Variants in TMED3 observed in about 807,000 individuals in gnomAD.
TMED3 encodes the protein transmembrane emp24 domain-containing protein 3.
TMED3 carries 9 observed loss-of-function variants against 15.0 expected under a neutral mutation model. The observed-to-expected ratio is 0.60, with a 90% confidence interval of 0.36 to 1.04. The LOEUF (loss-of-function observed/expected upper bound fraction) is 1.04, where lower values mean the gene tolerates loss of function less well. Ranked by LOEUF, TMED3 falls within the 50% of genes least tolerant of loss-of-function variation. The probability of loss-of-function intolerance (pLI) is 0.01; values close to 1 mark genes in which losing one functional copy is unlikely to be tolerated. For synonymous variants in TMED3, 117 were observed against 121.4 expected (o/e 0.96, Z 0.24); for missense variants, 267 against 278.9 (o/e 0.96, Z 0.30).
intron 2 of TMED3, among the ~76,000 whole-genome samples, chr15:79,339,649 C>T (rs915681507): frequency 5.9e-5 from 9 of 151,726 alleles, no homozygotes; most frequent in African/African-American, 1.9e-4. Context: ...CAGCTGCTAG[C>T]GGGTGGTGAT....
downstream of TMED3, chr15:79,322,852 T>G: frequency 1.0e-6 from 1 of 985,540 alleles, no homozygotes; most frequent in South Asian, 4.7e-5. Flanking sequence ...TGGAGACTTG[T>G]GCCTTTATTT....
At chr15:79,377,081 C>T (rs145291377) in intron 2 of TMED3, among the ~76,000 whole-genome samples, 1 of 152,200 alleles carries the variant, frequency 6.6e-6, no homozygotes, top group African/African-American at 2.4e-5. Context: ...ACAGGTATTA[C>T]AGGTGTCATA....
At chr15:79,388,006 C>T (rs368264579) in intron 2 of TMED3, among the ~76,000 whole-genome samples, 2 of 152,024 alleles carry the variant, frequency 1.3e-5, no homozygotes, top group East Asian at 1.9e-4. Context: ...TACTTCTGGG[C>T]AGTCTGTGAG....
At chr15:79,353,895 C>T (rs1377839702) in intron 2 of TMED3, among the ~76,000 whole-genome samples, 1 of 152,108 alleles carries the variant, frequency 6.6e-6, no homozygotes, top group East Asian at 1.9e-4. Flanking sequence ...CTGTTGATCT[C>T]TCAGGGAGAA....
intron 2 of TMED3, among the ~76,000 whole-genome samples, chr15:79,397,849 G>A (rs1893781158): frequency 6.6e-6 from 1 of 152,114 alleles, no homozygotes; most frequent in Non-Finnish European, 1.5e-5. Context: ...GCAGTTTTAG[G>A]TTCATGGCAA....
At chr15:79,366,554 C>T (rs988136296) in intron 2 of TMED3, among the ~76,000 whole-genome samples, 1 of 152,246 alleles carries the variant, frequency 6.6e-6, no homozygotes, top group African/African-American at 2.4e-5. Flanking sequence ...TCAGGGCGAG[C>T]TAGGTGCCTG....
chr15:79,364,267 C>T (rs1893186405), intron 2 of TMED3, among the ~76,000 whole-genome samples: 1 of 152,174 alleles, frequency 6.6e-6, no homozygotes, highest in Non-Finnish European at 1.5e-5. Flanking sequence ...TGCATGTGGG[C>T]TCTTAGTCCC....
At chr15:79,363,144 G>A (rs1893163255) in intron 2 of TMED3, among the ~76,000 whole-genome samples, 1 of 152,128 alleles carries the variant, frequency 6.6e-6, no homozygotes, top group South Asian at 2.1e-4. Context: ...GAATAATTAG[G>A]TAACTATTTG....
chr15:79,348,213 C>G (rs1473865271), intron 2 of TMED3, among the ~76,000 whole-genome samples: 1 of 152,152 alleles, frequency 6.6e-6, no homozygotes, highest in African/African-American at 2.4e-5. Flanking sequence ...AAGTCACTTG[C>G]CTAACACAGA....
At chr15:79,376,129 A>T (rs1893422070) in intron 2 of TMED3, among the ~76,000 whole-genome samples, 7 of 64,476 alleles carry the variant, frequency 1.1e-4, no homozygotes, top group East Asian at 4.3e-4. Flanking sequence ...TTTTTTTTTG[A>T]GACGAAGTCT....
chr15:79,333,635 C>T (rs552550475), intron 2 of TMED3, among the ~76,000 whole-genome samples: 25 of 152,282 alleles, frequency 1.6e-4, no homozygotes, highest in African/African-American at 3.1e-4. Context: ...CTGGAGAAAT[C>T]GTTCAAGAAC....
At chr15:79,316,257 G>T (rs532738676) in intron 2 of TMED3, among the ~76,000 whole-genome samples, 1 of 152,194 alleles carries the variant, frequency 6.6e-6, no homozygotes, top group Non-Finnish European at 1.5e-5. Context: ...CTTGTTTCAG[G>T]CCGGAGTTCA....
intron 2 of TMED3, among the ~76,000 whole-genome samples, chr15:79,392,900 C>T (rs1595909630): frequency 6.6e-6 from 1 of 152,182 alleles, no homozygotes; most frequent in Non-Finnish European, 1.5e-5. Context: ...ACTTCTGATT[C>T]ATCCTTCTCT....
At chr15:79,374,920 T>C (rs1304200973) in intron 2 of TMED3, among the ~76,000 whole-genome samples, 1 of 152,212 alleles carries the variant, frequency 6.6e-6, no homozygotes, top group Non-Finnish European at 1.5e-5. Flanking sequence ...GAGCAAGCTT[T>C]TTCTCTGATT....
rs139301083 is a variant in TMED3 at position 79,370,744 on chromosome 15, A to G, written c.418-40656A>G. Among the ~76,000 whole-genome samples the G allele has an allele frequency of 2.5e-4, 38 of 152,308 alleles. No homozygotes were observed. The East Asian group carries it at 6.9e-3, about 28-fold the overall frequency. On this transcript the variant is annotated intron_variant, in intron 2 of 2. Coordinates refer to the TMED3 transcript ENST00000424155. ...TGATATACTGCTGGAACCTGTGGAT[A>G]TAGTTTTGAGTCTGTGAGCTCTTAA...
chr15:79,356,423 T>C (rs1336354634), intron 2 of TMED3, among the ~76,000 whole-genome samples: 1 of 152,214 alleles, frequency 6.6e-6, no homozygotes, highest in African/African-American at 2.4e-5. Context: ...TAAATGAATT[T>C]AAGAATGTTC....
intron 2 of TMED3, among the ~76,000 whole-genome samples, chr15:79,401,204 G>T (rs1012863925): frequency 1.3e-5 from 2 of 152,196 alleles, no homozygotes; most frequent in Non-Finnish European, 2.9e-5. Context: ...AGGACTGCAT[G>T]TATGATTGAA....
rs549270374 is a variant in TMED3 at position 79,322,087 on chromosome 15, A to G, written c.527A>G (p.Asn176Ser). The change falls in exon 3 of 3, where the codon AAT (asparagine) becomes AGT (serine). Residue 176 changes from asparagine (N) to serine (S), a missense_variant. By Grantham distance (46) the Asn-to-Ser change is conservative. Transcript: ENST00000299705. The stretch of plus-strand genomic sequence containing the variant: ...GACCGGGCCCGAGCAGAAGACCTTA[A>G]TAGCCGAGTCTCTTACTGGTCTGTT... ...AQDRARAEDL[N>S]SRVSYWSVGE... The G allele has an allele frequency of 6.2e-6, 10 of 1,614,208 alleles. No individual in the cohort carries two copies. In the South Asian group the frequency reaches 6.6e-5, roughly 11 times the overall value.
chr15:79,353,261 ATT>A (rs1491294590), intron 2 of TMED3, among the ~76,000 whole-genome samples: 1 of 66,020 alleles, frequency 1.5e-5, no homozygotes, highest in African/African-American at 6.6e-5. Context: ...TATAATATAT[ATT>A]ATATATAATA....
Sources: gnomAD v4.1 joint callset for allele counts (sites outside exome capture counted in the v4.1 genomes callset) on GRCh38, gnomAD v4.1.1 for gene constraint, MANE v1.5 for transcripts, NCBI Gene and HGNC (gene_info 2026-07-23, HGNC 2026-07-21) for gene names.